MTMR7: variants seen among roughly 807,000 people sequenced by gnomAD.
MTMR7 encodes phosphatidylinositol-3-phosphate phosphatase MTMR7.
A neutral mutation model predicts 81.2 loss-of-function variants in MTMR7; 76 were observed. The ratio of observed to expected loss-of-function variants is 0.94; its 90% CI spans 0.78 to 1.13. The LOEUF is 1.13. Among genes scored for constraint, MTMR7 ranks in the 50% most tolerant of loss-of-function variants. The pLI, the probability that MTMR7 is intolerant of heterozygous loss-of-function variation, is 0.00. For missense variants in MTMR7, 1,044 were observed against 820.0 expected, an observed-to-expected ratio of 1.27 and a Z score of -3.34; for synonymous variants, 372 against 289.8, an observed-to-expected ratio of 1.28 and a Z score of -2.88.
At chr8:17,367,732 A>C (rs1263639921) in intron 3 of MTMR7, among the ~76,000 whole-genome samples, 2 of 152,208 alleles carry the variant, frequency 1.3e-5, no homozygotes, top group Non-Finnish European at 2.9e-5. Context: ...ATTCAGCAGA[A>C]TGTCTGAAGC....
intron 13 of MTMR7, 148 bp downstream of exon 13, chr8:17,302,006 C>G (rs1817149273): frequency 9.6e-7 from 1 of 1,037,378 alleles, no homozygotes; most frequent in African/African-American, 1.6e-5. Flanking sequence ...TATCTGAGTC[C>G]TGACCTGGAT....
intron 1 of MTMR7, among the ~76,000 whole-genome samples, chr8:17,405,017 A>C (rs1821536661): frequency 6.6e-6 from 1 of 152,148 alleles, no homozygotes; most frequent in South Asian, 2.1e-4. Context: ...ATTAGTAGAG[A>C]CAGGTTTGTA....
chr8:17,401,633 G>A (rs893959092), intron 1 of MTMR7, among the ~76,000 whole-genome samples: 7 of 152,082 alleles, frequency 4.6e-5, no homozygotes, highest in Non-Finnish European at 5.9e-5. Flanking sequence ...ATGGAGGTGC[G>A]ATAACCTGGA....
At chr8:17,370,945 CT>C in intron 3 of MTMR7, 91 bp downstream of exon 3, 1 of 1,297,014 alleles carries the variant, frequency 7.7e-7, no homozygotes, top group Non-Finnish European at 1.1e-6. Context: ...CCCTGAACCC[CT>C]ATCATTCCTA....
At chr8:17,365,023 T>C (rs757469235) in intron 3 of MTMR7, among the ~76,000 whole-genome samples, 71 of 152,236 alleles carry the variant, frequency 4.7e-4, no homozygotes, top group Non-Finnish European at 9.6e-4. Flanking sequence ...CTAATTTACA[T>C]TCCCACCAAC....
At chr8:17,361,424 G>C (rs1220367745) in intron 3 of MTMR7, 150 bp from the exon 4 acceptor site, 2 of 761,958 alleles carry the variant, frequency 2.6e-6, no homozygotes, top group Admixed American at 2.6e-5. Context: ...TGTGTGCAGT[G>C]GATAGGGTCC....
At chr8:17,329,368 T>G (rs1050434059) in intron 7 of MTMR7, among the ~76,000 whole-genome samples, 2 of 152,236 alleles carry the variant, frequency 1.3e-5, no homozygotes, top group Non-Finnish European at 2.9e-5. Flanking sequence ...CCTACTGCAC[T>G]GCACGTAGCT....
At chr8:17,366,778 C>A (rs11988001) in intron 3 of MTMR7, among the ~76,000 whole-genome samples, 47,510 of 150,196 alleles carry the variant, frequency 0.32, 9,397 homozygotes, top group African/African-American at 0.55. Flanking sequence ...CCCAGCTACT[C>A]GGGAGGTTGA....
intron 1 of MTMR7, among the ~76,000 whole-genome samples, chr8:17,401,465 T>C (rs911902400): frequency 3.3e-5 from 5 of 151,986 alleles, no homozygotes; most frequent in Admixed American, 1.3e-4. Context: ...AGATAAGGTA[T>C]AGAATTTCCC....
Position 17,412,545 on chromosome 8 carries a change from C to A in MTMR7, c.24+724G>T, listed in dbSNP as rs530154837. Reference sequence around the variant, plus strand: ...GAGGAAGATTTGGTACAGCGATCAACGTTTCCAATGTTAATTTACTGGAGT... The same window carrying A: ...GAGGAAGATTTGGTACAGCGATCAAAGTTTCCAATGTTAATTTACTGGAGT... On this transcript the variant is annotated intron_variant, in intron 1 of 13. Transcript: ENST00000180173. Among the ~76,000 whole-genome samples, 5 of 152,334 alleles carry A rather than the reference C, an allele frequency of 3.3e-5. No individual in the cohort carries two copies. In the South Asian group the frequency reaches 1.0e-3, roughly 32 times the overall value.
intron 3 of MTMR7, among the ~76,000 whole-genome samples, chr8:17,368,827 G>C (rs1820318444): frequency 6.6e-6 from 1 of 152,180 alleles, no homozygotes; most frequent in Non-Finnish European, 1.5e-5. Context: ...TGATGGCTTT[G>C]ATTCAGTGAA....
intron 4 of MTMR7, among the ~76,000 whole-genome samples, chr8:17,356,848 C>A (rs528084156): frequency 1.3e-5 from 2 of 152,098 alleles, no homozygotes; most frequent in Non-Finnish European, 2.9e-5. Context: ...TACCAACCGT[C>A]GGGGAGTCTG....
chr8:17,386,111 C>T (rs754952562), intron 1 of MTMR7, among the ~76,000 whole-genome samples: 1 of 152,176 alleles, frequency 6.6e-6, no homozygotes, highest in Non-Finnish European at 1.5e-5. Flanking sequence ...AGCAGTGGCT[C>T]ACACTTGTAA....
intron 1 of MTMR7, among the ~76,000 whole-genome samples, chr8:17,412,828 A>G (rs1468225883): frequency 1.3e-5 from 2 of 152,180 alleles, no homozygotes; most frequent in South Asian, 2.1e-4. Flanking sequence ...AGATTTAACA[A>G]GCTTCCAAGC....
chr8:17,412,256 T>C (rs553890853), intron 1 of MTMR7, among the ~76,000 whole-genome samples: 156 of 152,274 alleles, frequency 1.0e-3, no homozygotes, highest in Middle Eastern at 3.4e-3. Context: ...TTGCTGGCCA[T>C]AAAGCAATTG....
At chr8:17,401,088 G>A (rs763108220) in intron 1 of MTMR7, among the ~76,000 whole-genome samples, 2 of 152,100 alleles carry the variant, frequency 1.3e-5, no homozygotes, top group African/African-American at 4.8e-5. Context: ...CGGGGGATAC[G>A]GAATGTATGC....
intron 1 of MTMR7, among the ~76,000 whole-genome samples, chr8:17,401,082 G>C (rs1821414633): frequency 6.6e-6 from 1 of 151,974 alleles, no homozygotes; most frequent in Non-Finnish European, 1.5e-5. Context: ...GCAATTCGGG[G>C]GATACGGAAT....
At chr8:17,301,855 C>T in intron 13 of MTMR7, 1 of 403,002 alleles carries the variant, frequency 2.5e-6, no homozygotes, top group Non-Finnish European at 4.4e-6. Context: ...TCACACTTTC[C>T]AGAAAAAAAT....
At chr8:17,362,551 C>G (rs544960524) in intron 3 of MTMR7, among the ~76,000 whole-genome samples, 2 of 152,198 alleles carry the variant, frequency 1.3e-5, no homozygotes, top group Non-Finnish European at 2.9e-5. Flanking sequence ...GTCACACAGC[C>G]AGTTACCGGA....
Sources: allele counts gnomAD v4.1 joint callset (sites outside exome capture counted in the v4.1 genomes callset), GRCh38; gene constraint gnomAD v4.1.1; transcripts MANE v1.5; gene names NCBI Gene and HGNC (gene_info 2026-07-23, HGNC 2026-07-21).